Variants in ELOVL2 observed in about 807,000 individuals in gnomAD.
The protein encoded by ELOVL2 is very long chain fatty acid elongase 2.
In ELOVL2, 38 loss-of-function variants were observed where a neutral mutation model predicts 37.7. The ratio of observed to expected loss-of-function variants is 1.01; its 90% CI spans 0.78 to 1.32. The LOEUF (loss-of-function observed/expected upper bound fraction) is 1.32, where lower values mean the gene tolerates loss of function less well. ELOVL2 is among the 40% of genes most tolerant of loss of function. The pLI, the probability that ELOVL2 is intolerant of heterozygous loss-of-function variation, is 0.00. For synonymous variants in ELOVL2, 115 were observed against 122.3 expected, an observed-to-expected ratio of 0.94 and a Z score of 0.40; for missense variants, 352 against 363.6, an observed-to-expected ratio of 0.97 and a Z score of 0.26.
intron 3 of ELOVL2, among the ~76,000 whole-genome samples, chr6:11,001,424 C>T (rs112045121): frequency 2.0e-5 from 3 of 152,290 alleles, no homozygotes; most frequent in South Asian, 4.1e-4. Context: ...TGGGAATCAG[C>T]GACTGGCTAG....
At chr6:11,008,938 GCT>G (rs1422566000) in intron 2 of ELOVL2, among the ~76,000 whole-genome samples, 3 of 152,182 alleles carry the variant, frequency 2.0e-5, no homozygotes, top group Non-Finnish European at 2.9e-5. Context: ...CTCATTCCTT[GCT>G]CTCTCACTCC....
intron 1 of ELOVL2, among the ~76,000 whole-genome samples, chr6:11,021,842 A>G (rs1782769123): frequency 6.6e-6 from 1 of 152,134 alleles, no homozygotes. Context: ...TGGCTTCAGA[A>G]TCCTCTGCAA....
At chr6:11,009,829 A>G (rs974224942) in intron 2 of ELOVL2, among the ~76,000 whole-genome samples, 3 of 152,116 alleles carry the variant, frequency 2.0e-5, no homozygotes, top group Admixed American at 1.3e-4. Flanking sequence ...CTACAGTGCC[A>G]TGCAATATGA....
At chr6:11,029,112 T>G (rs1782881392) in intron 1 of ELOVL2, among the ~76,000 whole-genome samples, 1 of 142,356 alleles carries the variant, frequency 7.0e-6, no homozygotes, top group South Asian at 2.4e-4. Flanking sequence ...CCTGTAGTCC[T>G]AGCTACGCAG....
intron 1 of ELOVL2, among the ~76,000 whole-genome samples, chr6:11,039,938 C>T (rs558099531): frequency 9.0e-4 from 137 of 151,834 alleles, no homozygotes; most frequent in African/African-American, 3.0e-3. Flanking sequence ...AGTGATTCAG[C>T]GAGAGATATA....
intron 1 of ELOVL2, among the ~76,000 whole-genome samples, chr6:11,041,428 A>G (rs1260192834): frequency 6.6e-6 from 1 of 152,240 alleles, no homozygotes; most frequent in Non-Finnish European, 1.5e-5. Context: ...GGCTTACCCA[A>G]CTGGATACTT....
chr6:11,009,507 G>A (rs1389478002), intron 2 of ELOVL2, among the ~76,000 whole-genome samples: 1 of 152,148 alleles, frequency 6.6e-6, no homozygotes, highest in East Asian at 1.9e-4. Context: ...CTGTACCTTA[G>A]AGAGGCAAAG....
intron 5 of ELOVL2, among the ~76,000 whole-genome samples, chr6:10,993,857 ATTTTTTTTTTTT>A (rs530539525): frequency 0.034 from 2,695 of 79,212 alleles, 165 homozygotes; most frequent in East Asian, 0.33. Flanking sequence ...CGCCCAGCTA[ATTTTTTTTTTTT>A]TTTTTTTTTT....
rs376639413 is a variant in ELOVL2, at chr6:11,029,223, C to CAAAAAAAAAAAA, written c.3+14993_3+15004dup. ...AGCCCGGGGCGACAGAGGGAGATCTCAAAAAAAAAAAAAAAAAAAAAAAAA... is the reference window on the plus strand; with the variant it reads ...AGCCCGGGGCGACAGAGGGAGATCTCAAAAAAAAAAAAAAAAAAAAAAAAAAAAAAAAAAAAA... On this transcript the variant is annotated intron_variant, in intron 1 of 7. Coordinates refer to ENST00000354666, the MANE Select transcript of ELOVL2 (RefSeq NM_017770.4). Among the ~76,000 whole-genome samples, 66 of 75,776 alleles carry CAAAAAAAAAAAA rather than the reference C, an allele frequency of 8.7e-4. 4 individuals carry two copies. Among genetic ancestry groups the CAAAAAAAAAAAA allele is most frequent in the African/African-American group, 3.3e-3 (64 of 19,282 alleles). 49.7% of individuals were successfully genotyped at this position (75,776 alleles called of 152,430 possible). A position where few individuals can be genotyped will look rare whatever the true frequency, so the allele number is the denominator to read the frequency against.
At chr6:11,040,295 A>G (rs907208817) in intron 1 of ELOVL2, among the ~76,000 whole-genome samples, 6 of 152,252 alleles carry the variant, frequency 3.9e-5, no homozygotes, top group Middle Eastern at 3.4e-3. Flanking sequence ...GAGCTTTAAG[A>G]GGTAAACTTG....
intron 4 of ELOVL2, among the ~76,000 whole-genome samples, chr6:10,999,689 A>G (rs1371233090): frequency 1.3e-5 from 2 of 152,124 alleles, no homozygotes; most frequent in Non-Finnish European, 2.9e-5. Flanking sequence ...ACTTTTTATT[A>G]GCTTTTAGTT....
intron 3 of ELOVL2, among the ~76,000 whole-genome samples, chr6:11,003,494 T>A (rs541224900): frequency 6.6e-6 from 1 of 152,334 alleles, no homozygotes; most frequent in East Asian, 1.9e-4. Context: ...CTCATTCTTT[T>A]TTATGGCTGC....
chr6:11,044,037 G>A lies in ELOVL2; in HGVS notation c.3+191C>T, dbSNP rs1165028865. On this transcript the variant is annotated intron_variant, in intron 1 of 7. Coordinates refer to ENST00000354666, the MANE Select transcript of ELOVL2 (RefSeq NM_017770.4). This position sits in a 1 kb window ranked among gnomAD's most constrained non-coding sequence, Gnocchi z 5.6. ...CCGCGGGCCTCGGGCCGACCCGCGCGCCCCCGGCCCAAACGCTCAGCTCCC... is the reference window on the plus strand; with the variant it reads ...CCGCGGGCCTCGGGCCGACCCGCGCACCCCCGGCCCAAACGCTCAGCTCCC... Among the ~76,000 whole-genome samples, 1 of 151,324 alleles carries A rather than the reference G, an allele frequency of 6.6e-6. No homozygotes were observed. The highest frequency in any genetic ancestry group is 2.4e-5 in the African/African-American group (1 of 41,228).
intron 1 of ELOVL2, among the ~76,000 whole-genome samples, chr6:11,027,487 A>G (rs1390497214): frequency 6.6e-6 from 1 of 152,220 alleles, no homozygotes; most frequent in East Asian, 1.9e-4. Context: ...ACTACTCTGT[A>G]AGGTAGCACA....
chr6:11,040,231 T>C (rs1293554030), intron 1 of ELOVL2, among the ~76,000 whole-genome samples: 2 of 152,160 alleles, frequency 1.3e-5, no homozygotes, highest in African/African-American at 4.8e-5. Context: ...GCTTTCTTTT[T>C]GTAATGCTGG....
At chr6:11,027,509 A>G (rs9295754) in intron 1 of ELOVL2, among the ~76,000 whole-genome samples, 31,817 of 152,210 alleles carry the variant, frequency 0.21, 3,445 homozygotes, top group Middle Eastern at 0.31. Flanking sequence ...TCCATTTTAA[A>G]AATGTTTCTT....
intron 3 of ELOVL2, among the ~76,000 whole-genome samples, chr6:11,004,637 A>G (rs1162445494): frequency 6.6e-6 from 1 of 152,156 alleles, no homozygotes; most frequent in Non-Finnish European, 1.5e-5. Flanking sequence ...CATACAGAGT[A>G]TTCTTTAAGG....
intron 3 of ELOVL2, among the ~76,000 whole-genome samples, chr6:11,003,038 C>G (rs550419137): frequency 5.9e-4 from 90 of 152,334 alleles, no homozygotes; most frequent in African/African-American, 1.9e-3. Flanking sequence ...CTAAAACAAA[C>G]TTGTATCTTC....
In ELOVL2 at chr6:10,990,378, A is replaced by G. The variant is rs916037501; in HGVS notation, c.570T>C (p.Ser190=). ...GATACTTGTGCATAGATGGAAACACAGAAAGTCCATAGTAGGAGTACATAA... is the reference window on the plus strand; with the variant it reads ...GATACTTGTGCATAGATGGAAACACGGAAAGTCCATAGTAGGAGTACATAA... ...HILMYSYYGL[S]VFPSMHKYLW... is the part of the protein sequence containing the mutation. Residue 190 remains serine, a synonymous_variant, in exon 6 of 8, where the codon TCT becomes TCC. Transcript: ENST00000354666. 2 of 1,612,672 alleles carry G rather than the reference A, an allele frequency of 1.2e-6. No individual in the cohort carries two copies. The highest frequency in any genetic ancestry group is 2.7e-5 in the African/African-American group (2 of 74,908).
Sources: gnomAD v4.1 joint callset for allele counts (sites outside exome capture counted in the v4.1 genomes callset) on GRCh38, gnomAD v4.1.1 for gene constraint, Gnocchi (gnomAD v3.1) non-coding constraint, MANE v1.5 for transcripts, NCBI Gene and HGNC (gene_info 2026-07-23, HGNC 2026-07-21) for gene names.